The following ADAMTSL1 variants were observed in gnomAD, a reference collection of about 807,000 sequenced individuals.
ADAMTSL1 encodes ADAMTS like 1, also known as ADAMTS-like protein 1.
Under a neutral mutation model 201.8 loss-of-function variants are expected in ADAMTSL1, and 126 were observed. The ratio of observed to expected loss-of-function variants is 0.62; its 90% confidence interval spans 0.54 to 0.72. The LOEUF (loss-of-function observed/expected upper bound fraction) is 0.72. Among genes scored for constraint, ADAMTSL1 ranks in the 30% least tolerant of loss-of-function variants. The probability of loss-of-function intolerance (pLI) is 0.00; values close to 1 mark genes in which losing one functional copy is unlikely to be tolerated. For synonymous variants in ADAMTSL1, 1,121 were observed against 903.4 expected (o/e 1.24, Z -4.32); for missense variants, 2,679 against 2,277.8 (o/e 1.18, Z -3.59).
intron 2 of ADAMTSL1, among the ~76,000 whole-genome samples, chr9:18,410,061 G>A (rs1373924059): frequency 6.6e-6 from 1 of 151,552 alleles, no homozygotes; most frequent in Non-Finnish European, 1.5e-5. Flanking sequence ...GTACACTTTT[G>A]TAGATACCCT....
At chr9:18,666,442 G>T (rs1218064730) in intron 9 of ADAMTSL1, among the ~76,000 whole-genome samples, 1 of 152,100 alleles carries the variant, frequency 6.6e-6, no homozygotes, top group East Asian at 1.9e-4. Flanking sequence ...TGTTCTACTG[G>T]TAGTCCCAAT....
chr9:18,554,019 T>C (rs145344940), intron 3 of ADAMTSL1, among the ~76,000 whole-genome samples: 130 of 152,024 alleles, frequency 8.6e-4, no homozygotes, highest in African/African-American at 3.0e-3. Flanking sequence ...GCTTTTTACA[T>C]CTTTGTCTCT....
intron 2 of ADAMTSL1, among the ~76,000 whole-genome samples, chr9:18,376,228 T>C (rs1378745688): frequency 6.6e-6 from 1 of 152,066 alleles, no homozygotes; most frequent in African/African-American, 2.4e-5. Context: ...AGCCTTAGAG[T>C]TTATAAACAT....
At chr9:18,058,459 G>A (rs554977850) in intron 1 of ADAMTSL1, among the ~76,000 whole-genome samples, 11 of 152,084 alleles carry the variant, frequency 7.2e-5, no homozygotes, top group Admixed American at 2.0e-4. Flanking sequence ...ATATTACATC[G>A]CATTGACATG....
intron 1 of ADAMTSL1, among the ~76,000 whole-genome samples, chr9:18,125,684 T>G (rs1587109499): frequency 6.6e-6 from 1 of 152,340 alleles, no homozygotes; most frequent in East Asian, 1.9e-4. Flanking sequence ...GAAACTATTC[T>G]TTCCCCACAT....
intron 1 of ADAMTSL1, among the ~76,000 whole-genome samples, chr9:18,034,324 A>G (rs779377533): frequency 1.7e-4 from 25 of 151,158 alleles, no homozygotes; most frequent in Middle Eastern, 3.4e-3. Context: ...TTTAAACATC[A>G]CTCTTACTTT....
intron 3 of ADAMTSL1, among the ~76,000 whole-genome samples, chr9:18,542,405 C>T (rs1820207376): frequency 6.6e-6 from 1 of 152,150 alleles, no homozygotes; most frequent in Admixed American, 6.5e-5. Context: ...GTCCTCATTC[C>T]ATTATGTGTT....
At chr9:18,373,993 C>A (rs1837172424) in intron 2 of ADAMTSL1, among the ~76,000 whole-genome samples, 1 of 152,190 alleles carries the variant, frequency 6.6e-6, no homozygotes, top group Admixed American at 6.5e-5. Flanking sequence ...GGGCTAGGAA[C>A]TTTCCATCTG....
intron 14 of ADAMTSL1, among the ~76,000 whole-genome samples, chr9:18,709,472 T>C (rs1306117775): frequency 6.6e-6 from 1 of 152,190 alleles, no homozygotes; most frequent in Non-Finnish European, 1.5e-5. Flanking sequence ...TCTCAAGAGA[T>C]GAAATTGGAT....
chr9:18,186,121 G>A (rs915183433), intron 2 of ADAMTSL1, among the ~76,000 whole-genome samples: 2 of 152,106 alleles, frequency 1.3e-5, no homozygotes, highest in Non-Finnish European at 2.9e-5. Flanking sequence ...GGACAACCTG[G>A]CCTCTGCTTC....
At chr9:18,328,807 G>C (rs1315706546) in intron 2 of ADAMTSL1, among the ~76,000 whole-genome samples, 7 of 152,160 alleles carry the variant, frequency 4.6e-5, no homozygotes, top group African/African-American at 9.7e-5. Flanking sequence ...ACTCCAGAAA[G>C]GGTCACTGAC....
chr9:18,720,761 C>A (rs1449413234), intron 14 of ADAMTSL1, among the ~76,000 whole-genome samples: 1 of 151,968 alleles, frequency 6.6e-6, no homozygotes, highest in Non-Finnish European at 1.5e-5. Context: ...CCAGCCTGGG[C>A]AAGATTCTGT....
At chr9:17,973,875 C>A (rs1818324930) in intron 1 of ADAMTSL1, among the ~76,000 whole-genome samples, 1 of 149,650 alleles carries the variant, frequency 6.7e-6, no homozygotes, top group African/African-American at 2.5e-5. Flanking sequence ...TGAAGAGGTC[C>A]TTCACATCCC....
chr9:18,476,909 G>T (rs1353185913), intron 1 of ADAMTSL1, among the ~76,000 whole-genome samples: 1 of 152,088 alleles, frequency 6.6e-6, no homozygotes, highest in African/African-American at 2.4e-5. Context: ...CCTTCATTCT[G>T]TCAAAATCCT....
At chr9:18,088,097 C>G (rs1357486160) in intron 1 of ADAMTSL1, among the ~76,000 whole-genome samples, 1 of 152,100 alleles carries the variant, frequency 6.6e-6, no homozygotes, top group Non-Finnish European at 1.5e-5. Context: ...GAATTACATA[C>G]ATACAGGGTC....
At chr9:18,277,134 C>T (rs541707183) in intron 2 of ADAMTSL1, among the ~76,000 whole-genome samples, 172 of 152,302 alleles carry the variant, frequency 1.1e-3, no homozygotes, top group African/African-American at 4.0e-3. Flanking sequence ...CATCTTCTTA[C>T]ATTTGAGACT....
At chr9:17,992,234 A>G (rs901158919) in intron 1 of ADAMTSL1, among the ~76,000 whole-genome samples, 11 of 152,116 alleles carry the variant, frequency 7.2e-5, no homozygotes, top group Admixed American at 4.6e-4. Context: ...GCAGAGGTCA[A>G]GCTAGGGTAG....
At chr9:18,758,141 G>A (rs535719137) in intron 16 of ADAMTSL1, among the ~76,000 whole-genome samples, 7 of 152,176 alleles carry the variant, frequency 4.6e-5, no homozygotes, top group Non-Finnish European at 1.0e-4. Flanking sequence ...AACCTAGTGA[G>A]GAAACCAAGT....
At chr9:18,705,925 T>C (rs1284313532) in intron 13 of ADAMTSL1, among the ~76,000 whole-genome samples, 2 of 152,174 alleles carry the variant, frequency 1.3e-5, no homozygotes, top group South Asian at 4.1e-4. Context: ...ACCCCAAAAC[T>C]GAGGTCCAGC....
Sources: gnomAD v4.1 joint callset for allele counts (sites outside exome capture counted in the v4.1 genomes callset) on GRCh38, gnomAD v4.1.1 for gene constraint, MANE v1.5 for transcripts, NCBI Gene and HGNC (gene_info 2026-07-23, HGNC 2026-07-21) for gene names.